The following NRXN3 variants were observed in gnomAD, a reference collection of about 807,000 sequenced individuals.
The protein encoded by NRXN3 is neurexin III.
Under a neutral mutation model 137.6 loss-of-function variants are expected in NRXN3, and 32 were observed. The observed-to-expected ratio is 0.23, with a 90% confidence interval of 0.18 to 0.31. The LOEUF (loss-of-function observed/expected upper bound fraction) is 0.31, where lower values mean the gene tolerates loss of function less well. NRXN3 is among the 10% of genes least tolerant of loss of function. The pLI, the probability that NRXN3 is intolerant of heterozygous loss-of-function variation, is 1.00. For synonymous variants in NRXN3, 798 were observed against 784.5 expected, an observed-to-expected ratio of 1.02 and a Z score of -0.29; for missense variants, 1,574 against 2,062.5, an observed-to-expected ratio of 0.76 and a Z score of 4.59.
intron 4 of NRXN3, among the ~76,000 whole-genome samples, chr14:78,552,956 A>G (rs193280827): frequency 1.0e-3 from 153 of 152,316 alleles, no homozygotes; most frequent in Non-Finnish European, 1.6e-3. Context: ...AATGTATTAA[A>G]TTATCACATA....
At chr14:79,206,045 T>C (rs559317591) in intron 15 of NRXN3, among the ~76,000 whole-genome samples, 1 of 152,220 alleles carries the variant, frequency 6.6e-6, no homozygotes, top group Non-Finnish European at 1.5e-5. Context: ...CACACCATTC[T>C]GCCCTCATAA....
At chr14:79,161,325 C>T (rs182863122) in intron 15 of NRXN3, among the ~76,000 whole-genome samples, 1 of 151,996 alleles carries the variant, frequency 6.6e-6, no homozygotes, top group African/African-American at 2.4e-5. Flanking sequence ...GAAGTTTATA[C>T]TCACTTCCTA....
chr14:79,557,452 A>G, intron 16 of NRXN3, among the ~76,000 whole-genome samples: 1 of 152,156 alleles, frequency 6.6e-6, no homozygotes, highest in East Asian at 1.9e-4. Flanking sequence ...TATTCATATT[A>G]GGCAGACTTT....
At chr14:79,723,104 G>A (rs1010752782) in intron 19 of NRXN3, among the ~76,000 whole-genome samples, 1 of 152,076 alleles carries the variant, frequency 6.6e-6, no homozygotes, top group African/African-American at 2.4e-5. Context: ...AGGAAACCTA[G>A]GATATAAGTG....
At chr14:78,187,781 G>GTTTTTTTTTTT (rs58649555) in intron 1 of NRXN3, among the ~76,000 whole-genome samples, 2 of 133,738 alleles carry the variant, frequency 1.5e-5, no homozygotes, top group African/African-American at 2.8e-5. Flanking sequence ...GATTTTAGTT[G>GTTTTTTTTTTT]TTTTTTTTTT....
chr14:78,252,877 A>G (rs7158445), intron 2 of NRXN3, among the ~76,000 whole-genome samples: 42,940 of 152,196 alleles, frequency 0.28, 6,350 homozygotes, highest in East Asian at 0.38. Context: ...TGGAAAGCAA[A>G]GCTGAGATCA....
chr14:78,878,013 C>A (rs1358868918), intron 10 of NRXN3, among the ~76,000 whole-genome samples: 1 of 152,128 alleles, frequency 6.6e-6, no homozygotes, highest in Non-Finnish European at 1.5e-5. Context: ...GTAAAACATT[C>A]TTAACTGCTT....
intron 4 of NRXN3, among the ~76,000 whole-genome samples, chr14:78,329,673 G>GA (rs1002143520): frequency 6.6e-6 from 1 of 152,112 alleles, no homozygotes; most frequent in African/African-American, 2.4e-5. Flanking sequence ...AAAGAAGGGG[G>GA]AAAAATCCAG....
At chr14:79,329,761 A>G (rs1175781839) in intron 15 of NRXN3, among the ~76,000 whole-genome samples, 2 of 152,114 alleles carry the variant, frequency 1.3e-5, no homozygotes, top group Admixed American at 6.6e-5. Flanking sequence ...TTATGAAAGC[A>G]TGGATTGGAC....
chr14:78,280,109 A>C (rs762219914), intron 3 of NRXN3, among the ~76,000 whole-genome samples: 10 of 152,210 alleles, frequency 6.6e-5, no homozygotes, highest in Non-Finnish European at 1.2e-4. Flanking sequence ...CTCAGTCAAC[A>C]AATATTTATG....
At chr14:79,411,864 T>G (rs2095421852) in intron 15 of NRXN3, among the ~76,000 whole-genome samples, 1 of 152,150 alleles carries the variant, frequency 6.6e-6, no homozygotes, top group South Asian at 2.1e-4. Flanking sequence ...AAGCTCATAG[T>G]CTATTTAGGA....
At chr14:78,636,787 C>T (rs897883352) in intron 4 of NRXN3, among the ~76,000 whole-genome samples, 2 of 152,052 alleles carry the variant, frequency 1.3e-5, no homozygotes, top group Non-Finnish European at 2.9e-5. Context: ...GGAAGACAGG[C>T]ATGTGCAGTA....
At chr14:79,553,549 G>A (rs2097397329) in intron 16 of NRXN3, among the ~76,000 whole-genome samples, 1 of 152,084 alleles carries the variant, frequency 6.6e-6, no homozygotes, top group African/African-American at 2.4e-5. Flanking sequence ...ATAACTACAT[G>A]CACGCACTCA....
chr14:79,778,227 C>A (rs1185748195), intron 19 of NRXN3, among the ~76,000 whole-genome samples: 1 of 152,034 alleles, frequency 6.6e-6, no homozygotes, highest in Admixed American at 6.6e-5. Flanking sequence ...CCAGCCCGGC[C>A]AGCATGGTGA....
At chr14:78,479,851 T>C (rs2095442846) in intron 4 of NRXN3, among the ~76,000 whole-genome samples, 1 of 151,994 alleles carries the variant, frequency 6.6e-6, no homozygotes. Flanking sequence ...GTAGTCAAAT[T>C]TGGGGAAATA....
chr14:78,464,814 C>CT (rs766559323), intron 4 of NRXN3, among the ~76,000 whole-genome samples: 15 of 152,100 alleles, frequency 9.9e-5, no homozygotes, highest in Non-Finnish European at 2.1e-4. Flanking sequence ...TAGATTCTGA[C>CT]TTTTTGCTAT....
At chr14:78,279,279 T>G (rs1454640819) in intron 3 of NRXN3, among the ~76,000 whole-genome samples, 6 of 152,228 alleles carry the variant, frequency 3.9e-5, no homozygotes, top group Non-Finnish European at 8.8e-5. Flanking sequence ...TGCATTTCTC[T>G]TTTTAAAGTG....
intron 9 of NRXN3, among the ~76,000 whole-genome samples, chr14:78,809,050 C>T (rs1011424649): frequency 1.3e-5 from 2 of 152,226 alleles, no homozygotes; most frequent in African/African-American, 4.8e-5. Flanking sequence ...TAGGCTGAAC[C>T]GGGCAGCTTG....
intron 15 of NRXN3, among the ~76,000 whole-genome samples, chr14:79,134,408 A>G (rs1343471613): frequency 3.3e-5 from 5 of 152,262 alleles, no homozygotes; most frequent in African/African-American, 1.2e-4. Context: ...TATCTTCTAA[A>G]TATATCCTTA....
Sources: gnomAD v4.1 joint callset for allele counts (sites outside exome capture counted in the v4.1 genomes callset) on GRCh38, gnomAD v4.1.1 for gene constraint, MANE v1.5 for transcripts, NCBI Gene and HGNC (gene_info 2026-07-23, HGNC 2026-07-21) for gene names.